The following TDRD3 variants were observed in gnomAD, a reference collection of about 807,000 sequenced individuals.
The protein encoded by TDRD3 is tudor domain containing 3, also known as tudor domain-containing protein 3.
A neutral mutation model predicts 86.7 loss-of-function variants in TDRD3; 45 were observed. The observed-to-expected ratio is 0.52, with a 90% CI of 0.41 to 0.67. The LOEUF is 0.67. Among genes scored for constraint, TDRD3 ranks in the 30% least tolerant of loss-of-function variants. TDRD3 has a pLI of 0.00. For synonymous variants in TDRD3, 298 were observed against 301.7 expected, an observed-to-expected ratio of 0.99 and a Z score of 0.13; for missense variants, 814 against 889.0, an observed-to-expected ratio of 0.92 and a Z score of 1.07.
chr13:60,498,731 C>G (rs1034291398), intron 8 of TDRD3, among the ~76,000 whole-genome samples: 1 of 152,120 alleles, frequency 6.6e-6, no homozygotes, highest in Non-Finnish European at 1.5e-5. Flanking sequence ...CTATCCTTCC[C>G]CAAGGAGACC....
chr13:60,538,460 A>G (rs1417391283), intron 12 of TDRD3, among the ~76,000 whole-genome samples: 1 of 151,600 alleles, frequency 6.6e-6, no homozygotes, highest in African/African-American at 2.4e-5. Context: ...TCTAGTTAAC[A>G]CACATGAGAT....
At chr13:60,426,871 C>T (rs974454433) in intron 1 of TDRD3, among the ~76,000 whole-genome samples, 2 of 152,180 alleles carry the variant, frequency 1.3e-5, no homozygotes, top group Non-Finnish European at 2.9e-5. Context: ...CTTACACAAA[C>T]CTTAATGGTA....
At chr13:60,455,297 A>G (rs1332138444) in intron 3 of TDRD3, among the ~76,000 whole-genome samples, 2 of 152,244 alleles carry the variant, frequency 1.3e-5, no homozygotes, top group Non-Finnish European at 2.9e-5. Context: ...AGAGGTCGTC[A>G]TAAGTGCTAT....
At chr13:60,537,456 A>G (rs2137826416) in intron 12 of TDRD3, 1 of 152,166 alleles carries the variant, frequency 6.6e-6, no homozygotes, top group African/African-American at 2.4e-5. Context: ...AGTACATGCA[A>G]TGTAGAGTTC....
chr13:60,467,010 T>C (rs1955955217), intron 4 of TDRD3, among the ~76,000 whole-genome samples: 1 of 152,080 alleles, frequency 6.6e-6, no homozygotes, highest in African/African-American at 2.4e-5. Flanking sequence ...TCAGGGTACA[T>C]GTGTAGGATG....
intron 3 of TDRD3, among the ~76,000 whole-genome samples, chr13:60,450,914 G>C (rs971898973): frequency 5.9e-5 from 9 of 152,110 alleles, no homozygotes; most frequent in African/African-American, 2.2e-4. Flanking sequence ...CCCCATATCG[G>C]GCGTATTTAA....
chr13:60,550,834 T>A (rs1450134671), intron 12 of TDRD3, among the ~76,000 whole-genome samples: 1 of 152,178 alleles, frequency 6.6e-6, no homozygotes, highest in East Asian at 1.9e-4. Flanking sequence ...TGTGAAGTAA[T>A]AGTAATAGCT....
chr13:60,475,197 A>G (rs868757511), intron 5 of TDRD3, among the ~76,000 whole-genome samples: 1 of 151,920 alleles, frequency 6.6e-6, no homozygotes, highest in Non-Finnish European at 1.5e-5. Context: ...CCATGTAGTG[A>G]GCATAGTACC....
intron 10 of TDRD3, among the ~76,000 whole-genome samples, chr13:60,527,389 T>A (rs1957465706): frequency 6.6e-6 from 1 of 152,152 alleles, no homozygotes; most frequent in South Asian, 2.1e-4. Context: ...GAGGGAACAG[T>A]CTCACCCAAG....
chr13:60,407,624 T>C (rs1954265593), intron 1 of TDRD3, among the ~76,000 whole-genome samples: 1 of 152,196 alleles, frequency 6.6e-6, no homozygotes, highest in Admixed American at 6.5e-5. Context: ...AAGTTTGAAA[T>C]ATGTTGATAA....
intron 3 of TDRD3, among the ~76,000 whole-genome samples, chr13:60,447,561 G>T (rs1181806087): frequency 1.3e-5 from 2 of 152,108 alleles, no homozygotes; most frequent in African/African-American, 4.8e-5. Context: ...ATGTCAGCTA[G>T]GTATCTTGTT....
chr13:60,499,747 G>A lies in TDRD3; in HGVS notation c.858+5172G>A, dbSNP rs149706976. 3.1e-3 allele frequency among the ~76,000 whole-genome samples: 478 copies of A among 152,316 alleles called. 2 individuals are homozygous for A. Among genetic ancestry groups the A allele is most frequent in the African/African-American group, 0.011 (450 of 41,578 alleles). On this transcript the variant is annotated intron_variant, in intron 8 of 13. Coordinates refer to ENST00000377881, the MANE Select transcript of TDRD3 (RefSeq NM_001146070.2). Reference sequence around the variant, plus strand: ...TGGTGTGGGGCGTGTTGAGATATTCGTTCTAAGGTGAAGGATAAGTTGCTG... The same window carrying A: ...TGGTGTGGGGCGTGTTGAGATATTCATTCTAAGGTGAAGGATAAGTTGCTG...
intron 1 of TDRD3, among the ~76,000 whole-genome samples, chr13:60,430,846 G>GT (rs1413282353): frequency 2.0e-5 from 3 of 151,936 alleles, no homozygotes; most frequent in Non-Finnish European, 2.9e-5. Context: ...GAAGTTTGTT[G>GT]TTTATTACCT....
At chr13:60,539,455 T>C (rs1957765695) in intron 12 of TDRD3, among the ~76,000 whole-genome samples, 1 of 152,004 alleles carries the variant, frequency 6.6e-6, no homozygotes, top group Non-Finnish European at 1.5e-5. Flanking sequence ...AGTTTAAAGA[T>C]AAAATTAATG....
intron 12 of TDRD3, among the ~76,000 whole-genome samples, chr13:60,538,665 C>A (rs1259502981): frequency 6.6e-6 from 1 of 151,984 alleles, no homozygotes; most frequent in African/African-American, 2.4e-5. Flanking sequence ...ACATTAGGGG[C>A]AAAGAAAACC....
chr13:60,402,952 T>C (rs10507651), intron 1 of TDRD3, among the ~76,000 whole-genome samples: 15,715 of 152,194 alleles, frequency 0.1, 1,010 homozygotes, highest in African/African-American at 0.18. Flanking sequence ...TGTAACTATC[T>C]CTTTGGCTTA....
chr13:60,503,098 A>G (rs923090424), intron 8 of TDRD3, among the ~76,000 whole-genome samples: 4 of 152,214 alleles, frequency 2.6e-5, no homozygotes, highest in East Asian at 1.9e-4. Flanking sequence ...AGGATCATCA[A>G]TATTCTAAGA....
intron 5 of TDRD3, among the ~76,000 whole-genome samples, chr13:60,471,689 A>C (rs1215207526): frequency 6.6e-6 from 1 of 152,190 alleles, no homozygotes; most frequent in Non-Finnish European, 1.5e-5. Context: ...GTAGAGAAAC[A>C]CAACTGATTT....
Position 60,528,762 on chromosome 13 carries a change from T to C in TDRD3, c.1537T>C (p.Phe513Leu). The change falls in exon 11 of 14, where the codon TTT becomes CTT. Residue 513 changes from phenylalanine (F) to leucine (L), a missense_variant. Phe to Leu is a conservative substitution (Grantham distance 22, BLOSUM62 0). Coordinates refer to ENST00000377881, the MANE Select transcript of TDRD3 (RefSeq NM_001146070.2). The part of the protein sequence containing the change: ...MQSRSGKGPS[F>L]AEAKENPLPQ... The stretch of plus-strand genomic sequence containing the variant: ...AAGCAGATCAGGAAAAGGTCCCTCC[T>C]TTGCAGAGGCAAAAGAAAATCCACT... The C allele has an allele frequency of 6.2e-7, 1 of 1,613,480 alleles. No homozygotes were observed. Among genetic ancestry groups the C allele is most frequent in the Non-Finnish European group, 8.5e-7 (1 of 1,179,852 alleles).
Sources: gnomAD v4.1 joint callset for allele counts (sites outside exome capture counted in the v4.1 genomes callset) on GRCh38, gnomAD v4.1.1 for gene constraint, MANE v1.5 for transcripts, NCBI Gene and HGNC (gene_info 2026-07-23, HGNC 2026-07-21) for gene names.